Variants in CACNG3 observed in about 807,000 individuals in gnomAD.
The protein encoded by CACNG3 is calcium voltage-gated channel auxiliary subunit gamma 3, also known as voltage-dependent calcium channel gamma-3 subunit.
In CACNG3, 3 loss-of-function variants were observed where a neutral mutation model predicts 28.5. That is an observed-to-expected ratio of 0.11 (90% confidence interval 0.05 to 0.27). The LOEUF (loss-of-function observed/expected upper bound fraction) is 0.27, where lower values mean the gene tolerates loss of function less well. CACNG3 is among the 10% of genes least tolerant of loss of function. The probability of loss-of-function intolerance (pLI) is 1.00; values close to 1 mark genes in which losing one functional copy is unlikely to be tolerated. For missense variants in CACNG3, 236 were observed against 414.4 expected (o/e 0.57, Z 3.74); for synonymous variants, 174 against 162.2 (o/e 1.07, Z -0.55).
At chr16:24,300,449 A>G (rs1000701553) in intron 1 of CACNG3, among the ~76,000 whole-genome samples, 1 of 151,974 alleles carries the variant, frequency 6.6e-6, no homozygotes, top group Admixed American at 6.6e-5. Flanking sequence ...TCTGGGGGGG[A>G]AACCAGAAAT....
chr16:24,306,485 T>C (rs892580329), intron 1 of CACNG3, among the ~76,000 whole-genome samples: 1 of 152,198 alleles, frequency 6.6e-6, no homozygotes, highest in African/African-American at 2.4e-5. Flanking sequence ...TTCCCACCTC[T>C]GGACTAATAA....
intron 1 of CACNG3, among the ~76,000 whole-genome samples, chr16:24,281,396 G>T (rs1187832798): frequency 1.3e-5 from 2 of 151,556 alleles, no homozygotes; most frequent in African/African-American, 2.4e-5. Context: ...GGTAGAGACA[G>T]GGGTCTTGCT....
intron 1 of CACNG3, among the ~76,000 whole-genome samples, chr16:24,307,500 T>C (rs1210954041): frequency 6.6e-6 from 1 of 152,100 alleles, no homozygotes; most frequent in East Asian, 1.9e-4. Flanking sequence ...TCACAGTCCT[T>C]CCTCTCCCTC....
chr16:24,292,978 A>G (rs1898984613), intron 1 of CACNG3, among the ~76,000 whole-genome samples: 1 of 152,242 alleles, frequency 6.6e-6, no homozygotes, highest in African/African-American at 2.4e-5. Context: ...AAGGCAGCAG[A>G]CAGAAAATGA....
rs762944834 is a variant in CACNG3 at position 24,341,177 on chromosome 16, GA to G, written c.212-5550del. 1.8e-4 allele frequency among the ~76,000 whole-genome samples: 28 copies of G among 152,264 alleles called. No homozygotes were observed. In the East Asian group the frequency reaches 4.4e-3, roughly 24 times the overall value. On this transcript the variant is annotated intron_variant, in intron 1 of 3. Coordinates refer to ENST00000005284, the MANE Select transcript of CACNG3 (RefSeq NM_006539.4). Reference sequence around the variant, plus strand: ...GCCATTTGTGTGCGAAAGCACAGGGGAAAAAAAGCCTGGAAGGAAATATACA... The same window carrying G: ...GCCATTTGTGTGCGAAAGCACAGGGGAAAAAAGCCTGGAAGGAAATATACA...
chr16:24,346,897 C>T, intron 2 of CACNG3, 80 bp downstream of exon 2: 1 of 1,072,584 alleles, frequency 9.3e-7, no homozygotes, highest in Non-Finnish European at 1.4e-6. Context: ...TGAGTCGGAG[C>T]TTCCTCAGCA....
chr16:24,257,300 C>G (rs1898471789), intron 1 of CACNG3, among the ~76,000 whole-genome samples: 1 of 136,240 alleles, frequency 7.3e-6, no homozygotes, highest in South Asian at 2.6e-4. Flanking sequence ...TTTAACCCTG[C>G]TTAAATTGGA....
chr16:24,290,619 G>C (rs2141355295), intron 1 of CACNG3, among the ~76,000 whole-genome samples: 1 of 152,238 alleles, frequency 6.6e-6, no homozygotes, highest in Non-Finnish European at 1.5e-5. Flanking sequence ...TATTTATTTA[G>C]ATAGAGATGG....
At chr16:24,300,345 G>A (rs956077463) in intron 1 of CACNG3, among the ~76,000 whole-genome samples, 5 of 152,214 alleles carry the variant, frequency 3.3e-5, no homozygotes, top group Admixed American at 6.5e-5. Flanking sequence ...GGCAGGTTAC[G>A]CGTGTGAGAA....
chr16:24,291,515 G>A (rs1898968009), intron 1 of CACNG3, among the ~76,000 whole-genome samples: 1 of 152,182 alleles, frequency 6.6e-6, no homozygotes, highest in Non-Finnish European at 1.5e-5. Context: ...GAAGATGGAG[G>A]TGGGGGCATA....
chr16:24,304,004 C>T (rs1222279230), intron 1 of CACNG3, among the ~76,000 whole-genome samples: 1 of 152,166 alleles, frequency 6.6e-6, no homozygotes, highest in African/African-American at 2.4e-5. Flanking sequence ...CAAGTCCAGC[C>T]TTGGCAACAT....
intron 2 of CACNG3, among the ~76,000 whole-genome samples, chr16:24,348,251 T>G (rs1899895901): frequency 6.6e-6 from 1 of 151,610 alleles, no homozygotes; most frequent in Non-Finnish European, 1.5e-5. Flanking sequence ...TTTTTTTTTT[T>G]AATTATCCAG....
intron 1 of CACNG3, among the ~76,000 whole-genome samples, chr16:24,299,811 G>A (rs1690064755): frequency 6.6e-6 from 1 of 152,146 alleles, no homozygotes; most frequent in Middle Eastern, 3.4e-3. Flanking sequence ...TTGAGTCATA[G>A]TACCATACTG....
At chr16:24,319,857 G>A (rs955783282) in intron 1 of CACNG3, among the ~76,000 whole-genome samples, 5 of 151,998 alleles carry the variant, frequency 3.3e-5, no homozygotes, top group South Asian at 2.1e-4. Flanking sequence ...TACAACCTCC[G>A]CCTCATGGGT....
intron 1 of CACNG3, among the ~76,000 whole-genome samples, chr16:24,267,951 G>T (rs975838380): frequency 1.3e-5 from 2 of 151,862 alleles, no homozygotes; most frequent in Admixed American, 6.5e-5. Flanking sequence ...GATTACAGCC[G>T]TGAGCTACCG....
Position 24,362,125 on chromosome 16 carries a change from T to C in CACNG3, c.*262T>C, listed in dbSNP as rs1031754641. 5.6e-6 allele frequency: 2 copies of C among 357,772 alleles called. No homozygotes were observed. The highest frequency in any genetic ancestry group is 5.0e-6 in the Non-Finnish European group (1 of 198,250). The allele number at this position is 357,772 out of a possible 1,614,324, so 22.2% of individuals were successfully genotyped here. On this transcript the variant is annotated 3_prime_UTR_variant, in exon 4 of 4. Coordinates refer to ENST00000005284, the MANE Select transcript of CACNG3 (RefSeq NM_006539.4). ...CAGATGTTTTCCTTTCTTCCTTCTT[T>C]ACTGGAAGGACCTCCACATTCTTCC... is the stretch of plus-strand genomic sequence containing the variant.
chr16:24,334,840 G>T lies in CACNG3; in HGVS notation c.212-11894G>T, dbSNP rs530235932. Among the ~76,000 whole-genome samples the T allele has an allele frequency of 2.0e-5, 3 of 152,258 alleles. No individual in the cohort carries two copies. The South Asian group carries it at 6.2e-4, about 32-fold the overall frequency. On this transcript the variant is annotated intron_variant, in intron 1 of 3. Coordinates refer to ENST00000005284, the MANE Select transcript of CACNG3 (RefSeq NM_006539.4). ...CCTGGGGCTCCTTGCCTGGGTTAGC[G>T]CTCTGTGAGAATACACACGCATGCA...
At chr16:24,261,082 T>C (rs1008385845) in intron 1 of CACNG3, among the ~76,000 whole-genome samples, 6 of 152,242 alleles carry the variant, frequency 3.9e-5, no homozygotes, top group African/African-American at 1.2e-4. Context: ...TTATTTTCCC[T>C]CTTTGGACCT....
chr16:24,343,656 A>G (rs1899819618), intron 1 of CACNG3, among the ~76,000 whole-genome samples: 1 of 152,232 alleles, frequency 6.6e-6, no homozygotes, highest in African/African-American at 2.4e-5. Context: ...CTTGTTGAAG[A>G]GAGTGTAATT....
Sources: allele counts gnomAD v4.1 joint callset (sites outside exome capture counted in the v4.1 genomes callset), GRCh38; gene constraint gnomAD v4.1.1; transcripts MANE v1.5; gene names NCBI Gene and HGNC (gene_info 2026-07-23, HGNC 2026-07-21).